ILDR2: variants seen among roughly 807,000 people sequenced by gnomAD.
The protein encoded by ILDR2 is immunoglobulin like domain containing receptor 2, also known as immunoglobulin-like domain-containing receptor 2.
Under a neutral mutation model 66.8 loss-of-function variants are expected in ILDR2, and 25 were observed. That is an observed-to-expected ratio of 0.37 (90% CI 0.27 to 0.52). ILDR2 has a LOEUF of 0.52. Ranked by LOEUF, ILDR2 falls within the 20% of genes least tolerant of loss-of-function variation. The pLI, the probability that ILDR2 is intolerant of heterozygous loss-of-function variation, is 0.88. For synonymous variants in ILDR2, 367 were observed against 357.2 expected, an observed-to-expected ratio of 1.03 and a Z score of -0.31; for missense variants, 827 against 876.8, an observed-to-expected ratio of 0.94 and a Z score of 0.72.
intron 3 of ILDR2, among the ~76,000 whole-genome samples, chr1:166,955,757 T>A (rs1330992955): frequency 6.6e-6 from 1 of 152,218 alleles, no homozygotes; most frequent in East Asian, 1.9e-4. Context: ...TCCCTAGGGA[T>A]TGAGTTTCTC....
At chr1:166,907,799 G>T (rs1659375489), downstream of ILDR2, among the ~76,000 whole-genome samples, 1 of 152,086 alleles carries the variant, frequency 6.6e-6, no homozygotes, top group Non-Finnish European at 1.5e-5. Context: ...CATACATAAA[G>T]GCTACAAATT....
rs1192212748 is a variant in ILDR2 at position 166,908,218 on chromosome 1, G to C, written c.*11137C>G. The C allele has an allele frequency of 6.6e-6, 1 of 152,196 alleles. No individual in the cohort carries two copies. Among genetic ancestry groups the C allele is most frequent in the Non-Finnish European group, 1.5e-5 (1 of 68,042 alleles). The allele number at this position is 152,196 out of a possible 1,614,324, so 9.4% of individuals were successfully genotyped here. ...AAATATCAGAAATTTATTTCTCACAGTTCTAGAATCTGGGAAGTCCAAGCT... is the reference window on the plus strand; with the variant it reads ...AAATATCAGAAATTTATTTCTCACACTTCTAGAATCTGGGAAGTCCAAGCT... On this transcript the variant is annotated 3_prime_UTR_variant, in exon 10 of 10. Transcript: ENST00000271417.
intron 3 of ILDR2, among the ~76,000 whole-genome samples, chr1:166,953,020 G>T (rs1662074106): frequency 6.6e-6 from 1 of 152,202 alleles, no homozygotes; most frequent in African/African-American, 2.4e-5. Flanking sequence ...ATTAGTGCTA[G>T]ATGTAGTAAT....
chr1:166,968,258 G>A (rs973986409), intron 1 of ILDR2, among the ~76,000 whole-genome samples: 1 of 151,944 alleles, frequency 6.6e-6, no homozygotes, highest in Non-Finnish European at 1.5e-5. Flanking sequence ...CCTGATTCTT[G>A]GCCTTTGCAC....
intron 3 of ILDR2, chr1:166,943,872 C>A: frequency 2.0e-6 from 2 of 983,460 alleles, no homozygotes; most frequent in Non-Finnish European, 2.4e-6. Context: ...GCAAGCCCTG[C>A]AAATAGAAGG....
At chr1:166,951,791 T>C (rs185862576) in intron 3 of ILDR2, among the ~76,000 whole-genome samples, 10 of 152,324 alleles carry the variant, frequency 6.6e-5, no homozygotes, top group Non-Finnish European at 8.8e-5. Context: ...CAAGAGAACC[T>C]GTTCCATATT....
chr1:166,943,858 GA>G (rs1294439467), intron 3 of ILDR2: 1 of 984,866 alleles, frequency 1.0e-6, no homozygotes, highest in Non-Finnish European at 1.2e-6. Context: ...GGAAAGGATG[GA>G]AAGCAAGCCC....
intron 1 of ILDR2, 115 bp downstream of exon 1, chr1:166,975,108 A>T: frequency 1.2e-6 from 1 of 835,066 alleles, no homozygotes; most frequent in Non-Finnish European, 2.0e-6. Context: ...CAGACCGCTA[A>T]GCAGCTTTAA....
At chr1:166,929,487 G>A (rs1237314053) in intron 6 of ILDR2, among the ~76,000 whole-genome samples, 1 of 152,192 alleles carries the variant, frequency 6.6e-6, no homozygotes, top group East Asian at 1.9e-4. Flanking sequence ...GGATCTCCAT[G>A]TGCCTAAAAC....
chr1:166,918,335 A>T lies in ILDR2; in HGVS notation c.*1020T>A, dbSNP rs1329557686. 1 of 152,246 alleles carries T rather than the reference A, an allele frequency of 6.6e-6. No individual in the cohort carries two copies. The highest frequency in any genetic ancestry group is 1.5e-5 in the Non-Finnish European group (1 of 68,046). The allele number at this position is 152,246 out of a possible 1,614,324, so 9.4% of individuals were successfully genotyped here. On this transcript the variant is annotated 3_prime_UTR_variant, in exon 10 of 10. Transcript: ENST00000271417. ...CGGCAAGTGAAGCACAAAACCGGAAAAGACTGAGTGAAGTTTGTGGGTGAA... is the reference window on the plus strand; with the variant it reads ...CGGCAAGTGAAGCACAAAACCGGAATAGACTGAGTGAAGTTTGTGGGTGAA...
At chr1:166,931,410 G>A (rs1660632049) in intron 6 of ILDR2, among the ~76,000 whole-genome samples, 1 of 152,198 alleles carries the variant, frequency 6.6e-6, no homozygotes, top group South Asian at 2.1e-4. Context: ...TGTGGGAGAA[G>A]TGATTCTTAA....
chr1:166,940,675 A>G (rs894839989), intron 3 of ILDR2, among the ~76,000 whole-genome samples: 2 of 152,248 alleles, frequency 1.3e-5, no homozygotes, highest in African/African-American at 2.4e-5. Flanking sequence ...AAGGAAATTA[A>G]TGTGATACTA....
intron 3 of ILDR2, among the ~76,000 whole-genome samples, chr1:166,948,865 G>GGGT (rs1447159456): frequency 6.6e-6 from 1 of 152,156 alleles, no homozygotes; most frequent in Non-Finnish European, 1.5e-5. Flanking sequence ...GTGGGAGAAG[G>GGGT]AAGCTAACAT....
At chr1:166,961,026 G>A (rs942784263) in intron 1 of ILDR2, among the ~76,000 whole-genome samples, 2 of 152,202 alleles carry the variant, frequency 1.3e-5, no homozygotes, top group Non-Finnish European at 1.5e-5. Context: ...AAGGCTGTGT[G>A]CTTGACCACA....
At chr1:166,898,121 A>T (rs1659203870) in intron 2 of ILDR2, among the ~76,000 whole-genome samples, 2 of 152,178 alleles carry the variant, frequency 1.3e-5, no homozygotes. Flanking sequence ...ACAGTGTAAG[A>T]CACCCATAGG....
At chr1:166,966,158 A>G (rs1662935833) in intron 1 of ILDR2, among the ~76,000 whole-genome samples, 1 of 152,220 alleles carries the variant, frequency 6.6e-6, no homozygotes, top group Admixed American at 6.5e-5. Flanking sequence ...TAAAATAAAA[A>G]GGCTTTACCA....
At chr1:166,968,846 C>A (rs1367328360) in intron 1 of ILDR2, among the ~76,000 whole-genome samples, 1 of 152,124 alleles carries the variant, frequency 6.6e-6, no homozygotes, top group Non-Finnish European at 1.5e-5. Flanking sequence ...TGGAATTGAG[C>A]CAACCCCATC....
At chr1:166,935,843 C>T (rs1361472871) in intron 5 of ILDR2, among the ~76,000 whole-genome samples, 1 of 152,112 alleles carries the variant, frequency 6.6e-6, no homozygotes, top group Non-Finnish European at 1.5e-5. Flanking sequence ...CAGGGACTGC[C>T]CAGGGCTGCT....
In ILDR2 at chr1:166,963,899, G is replaced by A. The variant is rs373885164; in HGVS notation, c.47-5798C>T. Reference sequence around the variant, plus strand: ...ACACGCTGGTACAACAGGAAGGCTGGGCCTCCAAGTCCAGGCACTGGTAAC... The same window carrying A: ...ACACGCTGGTACAACAGGAAGGCTGAGCCTCCAAGTCCAGGCACTGGTAAC... On this transcript the variant is annotated intron_variant, in intron 1 of 9. Coordinates refer to ENST00000271417, the MANE Select transcript of ILDR2 (RefSeq NM_199351.3). Among the ~76,000 whole-genome samples the A allele has an allele frequency of 3.0e-4, 46 of 152,224 alleles. No homozygotes were observed. The South Asian group carries it at 9.6e-3, about 32-fold the overall frequency.
Sources: allele counts gnomAD v4.1 joint callset (sites outside exome capture counted in the v4.1 genomes callset), GRCh38; gene constraint gnomAD v4.1.1; transcripts MANE v1.5; gene names NCBI Gene and HGNC (gene_info 2026-07-23, HGNC 2026-07-21).